The following NME7 variants were observed in gnomAD, a reference collection of about 807,000 sequenced individuals.
NME7 encodes the protein NME/NM23 family member 7, also known as nucleoside diphosphate kinase 7.
A neutral mutation model predicts 49.1 loss-of-function variants in NME7; 41 were observed. The observed-to-expected ratio is 0.83, with a 90% CI of 0.65 to 1.08. The LOEUF is 1.08. Ranked by LOEUF, NME7 falls within the 50% of genes least tolerant of loss-of-function variation. The pLI, the probability that NME7 is intolerant of heterozygous loss-of-function variation, is 0.00. For synonymous variants in NME7, 139 were observed against 150.6 expected (o/e 0.92, Z 0.56); for missense variants, 423 against 463.4 (o/e 0.91, Z 0.80).
intron 10 of NME7, among the ~76,000 whole-genome samples, chr1:169,182,081 T>C (rs1659944461): frequency 6.6e-6 from 1 of 151,682 alleles, no homozygotes; most frequent in Non-Finnish European, 1.5e-5. Context: ...TAATGCTCAC[T>C]GCAGCCTTGA....
rs114203579 is a variant in NME7, at chr1:169,249,409, C to A, written c.755-11722G>T. 2.0e-3 allele frequency among the ~76,000 whole-genome samples: 301 copies of A among 152,090 alleles called. 4 individuals are homozygous for A. The highest frequency in any genetic ancestry group is 7.0e-3 in the African/African-American group (292 of 41,540). On this transcript the variant is annotated intron_variant, in intron 7 of 11. Transcript: ENST00000367811. ...GAGTATTTAGGGTTTTCTAGGTATA[C>A]AGTCATATTATTCATGAACAGCAAT...
intron 10 of NME7, among the ~76,000 whole-genome samples, chr1:169,222,442 C>T (rs939029734): frequency 5.3e-5 from 8 of 152,068 alleles, no homozygotes; most frequent in African/African-American, 1.9e-4. Context: ...ACTAAAATTC[C>T]AAAGTTGAAA....
chr1:169,342,949 ATTAG>A (rs1652824043), intron 1 of NME7, among the ~76,000 whole-genome samples: 2 of 29,662 alleles, frequency 6.7e-5, no homozygotes, highest in African/African-American at 2.0e-4. Context: ...ATATACTTGT[ATTAG>A]TATATATATA....
At chr1:169,362,563 T>G (rs1203463294) in intron 1 of NME7, among the ~76,000 whole-genome samples, 3 of 152,188 alleles carry the variant, frequency 2.0e-5, no homozygotes, top group African/African-American at 7.2e-5. Flanking sequence ...AAGCCTCAAC[T>G]ATAACAAACT....
chr1:169,262,027 TG>T (rs1649180611), intron 7 of NME7, among the ~76,000 whole-genome samples: 1 of 134,262 alleles, frequency 7.4e-6, no homozygotes, highest in African/African-American at 2.5e-5. Context: ...CCATAATTCC[TG>T]GTATTCATGT....
At chr1:169,336,182 G>A (rs1457723536) in intron 1 of NME7, among the ~76,000 whole-genome samples, 1 of 151,906 alleles carries the variant, frequency 6.6e-6, no homozygotes, top group South Asian at 2.1e-4. Context: ...CGTTCCTCCC[G>A]GTGGGCTCGT....
At chr1:169,190,933 C>T (rs1233555498) in intron 10 of NME7, among the ~76,000 whole-genome samples, 3 of 108,320 alleles carry the variant, frequency 2.8e-5, no homozygotes, top group African/African-American at 9.4e-5. Flanking sequence ...CTGCCTCAGC[C>T]TCCCGAGTAG....
Position 169,190,964 on chromosome 1 carries a change from CA to C in NME7, c.991-21411del, listed in dbSNP as rs1184139671. Among the ~76,000 whole-genome samples the C allele has an allele frequency of 5.2e-5, 6 of 115,062 alleles. 3 individuals are homozygous for C. The highest frequency in any genetic ancestry group is 7.6e-5 in the Non-Finnish European group (4 of 52,462). The allele number at this position is 115,062 out of a possible 152,430, so 75.5% of individuals were successfully genotyped here. ...AGTAGCTGGGACTACAGGCGCCCGC[CA>C]CTACGCCCGGCTAATTTTTTGTATT... On this transcript the variant is annotated intron_variant, in intron 10 of 11. Coordinates refer to ENST00000367811, the MANE Select transcript of NME7 (RefSeq NM_013330.5).
At chr1:169,251,037 C>T (rs562398200) in intron 7 of NME7, among the ~76,000 whole-genome samples, 1 of 152,088 alleles carries the variant, frequency 6.6e-6, no homozygotes, top group Non-Finnish European at 1.5e-5. Flanking sequence ...TGTTGACTTT[C>T]TGTCTTGATG....
chr1:169,221,767 C>G (rs1287812512), intron 10 of NME7, among the ~76,000 whole-genome samples: 1 of 151,950 alleles, frequency 6.6e-6, no homozygotes, highest in Non-Finnish European at 1.5e-5. Context: ...CTCTGTCAGT[C>G]AGGCTGGAGT....
intron 7 of NME7, among the ~76,000 whole-genome samples, chr1:169,239,035 G>A (rs1417772684): frequency 6.6e-6 from 1 of 151,942 alleles, no homozygotes; most frequent in Non-Finnish European, 1.5e-5. Context: ...TGTCAACACT[G>A]AGCGTCCATG....
intron 10 of NME7, among the ~76,000 whole-genome samples, chr1:169,225,080 G>C (rs1261112560): frequency 6.6e-6 from 1 of 152,054 alleles, no homozygotes; most frequent in Non-Finnish European, 1.5e-5. Flanking sequence ...GGTTTATTAA[G>C]GAAGAATAAA....
In NME7 at chr1:169,298,794, CT is replaced by C. The variant is rs773700091; in HGVS notation, c.441-32del. 42 of 1,572,350 alleles carry C rather than the reference CT, an allele frequency of 2.7e-5. No homozygotes were observed. The East Asian group carries it at 9.4e-4, about 35-fold the overall frequency. Reference sequence around the variant, plus strand: ...AAACAGATAGAAGATTAGTTTGCTTCTTTTTTCTGTCAACTAGGTATTTGTC... The same window carrying C: ...AAACAGATAGAAGATTAGTTTGCTTCTTTTTCTGTCAACTAGGTATTTGTC... On this transcript the variant is annotated intron_variant, in intron 5 of 11. Transcript: ENST00000367811.
intron 10 of NME7, among the ~76,000 whole-genome samples, chr1:169,214,678 AC>A (rs1332874610): frequency 6.6e-6 from 1 of 152,186 alleles, no homozygotes; most frequent in Non-Finnish European, 1.5e-5. Context: ...CCTTCATGAG[AC>A]CCATGACAGC....
intron 11 of NME7, among the ~76,000 whole-genome samples, chr1:169,155,760 T>C (rs1003507041): frequency 3.1e-5 from 4 of 128,562 alleles, no homozygotes; most frequent in African/African-American, 8.6e-5. Context: ...TATTACTGTT[T>C]AGTTTTTTTT....
intron 10 of NME7, among the ~76,000 whole-genome samples, chr1:169,225,633 T>A (rs1164080758): frequency 6.6e-6 from 1 of 152,210 alleles, no homozygotes; most frequent in African/African-American, 2.4e-5. Flanking sequence ...TATTAAAACT[T>A]AATCTCATTA....
At chr1:169,138,090 C>T (rs1436461071) in intron 11 of NME7, among the ~76,000 whole-genome samples, 2 of 152,040 alleles carry the variant, frequency 1.3e-5, no homozygotes, top group African/African-American at 2.4e-5. Flanking sequence ...GCGGGTGGAT[C>T]ACCTGAGGTC....
At chr1:169,152,005 C>A (rs1658928525) in intron 11 of NME7, among the ~76,000 whole-genome samples, 1 of 152,076 alleles carries the variant, frequency 6.6e-6, no homozygotes, top group Non-Finnish European at 1.5e-5. Context: ...AAAAGAAAAT[C>A]CAGATTTGTG....
At chr1:169,155,074 T>C (rs1659028600) in intron 11 of NME7, among the ~76,000 whole-genome samples, 1 of 152,116 alleles carries the variant, frequency 6.6e-6, no homozygotes, top group Non-Finnish European at 1.5e-5. Flanking sequence ...CCTCCCAAAG[T>C]GCTGGGATTA....
Sources: allele counts gnomAD v4.1 joint callset (sites outside exome capture counted in the v4.1 genomes callset), GRCh38; gene constraint gnomAD v4.1.1; transcripts MANE v1.5; gene names NCBI Gene and HGNC (gene_info 2026-07-23, HGNC 2026-07-21).